PRKDC: variants seen among roughly 807,000 people sequenced by gnomAD.
The protein encoded by PRKDC is DNA-dependent protein kinase catalytic subunit.
A neutral mutation model predicts 486.9 loss-of-function variants in PRKDC; 82 were observed. That is an observed-to-expected ratio of 0.17 (90% CI 0.14 to 0.20). The LOEUF (loss-of-function observed/expected upper bound fraction) is 0.20, where lower values mean the gene tolerates loss of function less well. Ranked by LOEUF, PRKDC falls within the 10% of genes least tolerant of loss-of-function variation. The probability of loss-of-function intolerance (pLI) is 1.00; values close to 1 mark genes in which losing one functional copy is unlikely to be tolerated. For missense variants in PRKDC, 4,504 were observed against 5,038.2 expected, an observed-to-expected ratio of 0.89 and a Z score of 3.21; for synonymous variants, 1,895 against 1,837.0, an observed-to-expected ratio of 1.03 and a Z score of -0.81.
chr8:47,860,864 T>C (rs755249177), intron 45 of PRKDC, 35 bp downstream of exon 45: 6 of 1,525,644 alleles, frequency 3.9e-6, no homozygotes, highest in Non-Finnish European at 4.5e-6. Flanking sequence ...ACCCATCGAT[T>C]TGAATCCTTT....
At chr8:47,803,979 T>A (rs940025307) in intron 69 of PRKDC, among the ~76,000 whole-genome samples, 1 of 151,004 alleles carries the variant, frequency 6.6e-6, no homozygotes, top group Non-Finnish European at 1.5e-5. Flanking sequence ...TGGGTACAAT[T>A]CAGTATTTTT....
chr8:47,880,804 A>G (rs1183589285), intron 38 of PRKDC, among the ~76,000 whole-genome samples: 1 of 152,166 alleles, frequency 6.6e-6, no homozygotes, highest in Non-Finnish European at 1.5e-5. Flanking sequence ...CTGTAACCCC[A>G]GCACTTTGGG....
In PRKDC at chr8:47,904,879, T is replaced by C. The variant is rs370942895; in HGVS notation, c.3032A>G (p.Glu1011Gly). Residue 1011 changes from glutamate (E) to glycine (G), a missense_variant, in exon 26 of 86, where the codon GAA (glutamate) becomes GGA (glycine). Physicochemically the swap from Glu to Gly is moderately conservative, Grantham distance 98 (BLOSUM62 -2). Coordinates refer to ENST00000314191, the MANE Select transcript of PRKDC (RefSeq NM_006904.7). ...FESQDTVALL[E>G]AILDGIVDPV... ...TCAACTATTACTTACCAATATAGCT[T>C]CTAGTAAGGCAACAGTATCCTGACT... The C allele has an allele frequency of 2.0e-5, 32 of 1,597,778 alleles. No homozygotes were observed. The African/African-American group carries it at 3.6e-4, about 18-fold the overall frequency.
At position 47,858,584 on chromosome 8, in the gene PRKDC, G is replaced by A; in HGVS notation, c.6397C>T (p.Leu2133=). The A allele has an allele frequency of 1.3e-6, 2 of 1,560,702 alleles. No individual in the cohort carries two copies. The highest frequency in any genetic ancestry group is 1.7e-6 in the Non-Finnish European group (2 of 1,153,312). Residue 2133 remains leucine, a synonymous_variant, in exon 48 of 86, where the codon CTG becomes TTG. Transcript: ENST00000314191. ...PSWMKFLHGK[L]GNPIVPLNIR... ...TTTAATGGTACTATTGGATTTCCCA[G>A]TTTGCCATGGAGGAATTTCATCCAA... is the stretch of plus-strand genomic sequence containing the variant.
chr8:47,906,565 G>A (rs994992389), intron 25 of PRKDC, among the ~76,000 whole-genome samples: 5 of 150,888 alleles, frequency 3.3e-5, no homozygotes, highest in African/African-American at 1.2e-4. Context: ...ACTGGGAGGT[G>A]GAGGTTGCAG....
intron 15 of PRKDC, 68 bp downstream of exon 15, chr8:47,933,891 AAGTCTT>A: frequency 7.2e-7 from 1 of 1,392,038 alleles, no homozygotes; most frequent in Non-Finnish European, 9.6e-7. Context: ...ATTCTGAAAT[AAGTCTT>A]ATGTCTAAAC....
chr8:47,934,654 A>C (rs1335858693), intron 14 of PRKDC, among the ~76,000 whole-genome samples: 1 of 152,254 alleles, frequency 6.6e-6, no homozygotes, highest in Non-Finnish European at 1.5e-5. Flanking sequence ...ATCATCATTT[A>C]TCTTGCTTTC....
At chr8:47,818,996 C>T (rs1055803360) in intron 67 of PRKDC, among the ~76,000 whole-genome samples, 1 of 152,200 alleles carries the variant, frequency 6.6e-6, no homozygotes, top group African/African-American at 2.4e-5. Context: ...GCACCCAGAG[C>T]CCTCAGCGTG....
chr8:47,956,524 G>GT (rs1305104655), intron 3 of PRKDC, among the ~76,000 whole-genome samples: 1 of 147,550 alleles, frequency 6.8e-6, no homozygotes, highest in Non-Finnish European at 1.5e-5. Context: ...GCGAAACCCT[G>GT]TCTCTACAAA....
At chr8:47,944,089 TACAG>T in intron 7 of PRKDC, 60 bp from the exon 8 acceptor site, 1 of 1,361,496 alleles carries the variant, frequency 7.3e-7, no homozygotes, top group Non-Finnish European at 1.0e-6. Context: ...TAACACACTT[TACAG>T]ACAGCTTGAC....
At chr8:47,913,110 C>T (rs1338133978) in intron 24 of PRKDC, among the ~76,000 whole-genome samples, 3 of 152,130 alleles carry the variant, frequency 2.0e-5, no homozygotes, top group African/African-American at 7.2e-5. Context: ...AATGCTATTG[C>T]ACACTAAATA....
At chr8:47,777,272 G>C (rs1183940790) in intron 84 of PRKDC, among the ~76,000 whole-genome samples, 2 of 151,822 alleles carry the variant, frequency 1.3e-5, no homozygotes, top group African/African-American at 4.8e-5. Flanking sequence ...GCAGTGGCGT[G>C]ATCTCGGCTC....
At chr8:47,901,560 AGAG>A (rs1589778635) in intron 27 of PRKDC, among the ~76,000 whole-genome samples, 5 of 152,220 alleles carry the variant, frequency 3.3e-5, no homozygotes, top group Non-Finnish European at 7.3e-5. Flanking sequence ...AGAGCAGACT[AGAG>A]GAAAGCTACA....
At position 47,955,919 on chromosome 8, in the gene PRKDC, A is replaced by G; in HGVS notation, c.354T>C (p.Asp118=). ...KNTCTSVYTK[D]RAAKCKIPAL... ...CTGGAATTTTACATTTAGCAGCTCT[A>G]TCTTTTGTATAAACACTGGTACAAG... The change falls in exon 4 of 86, where the codon GAT becomes GAC. Residue 118 remains aspartate (D), a synonymous_variant. Transcript: ENST00000314191. 1.9e-6 allele frequency: 3 copies of G among 1,605,604 alleles called. No homozygotes were observed. The highest frequency in any genetic ancestry group is 1.1e-5 in the South Asian group (1 of 90,066).
intron 7 of PRKDC, among the ~76,000 whole-genome samples, 161 bp downstream of exon 7, chr8:47,953,459 C>T (rs1421816698): frequency 1.3e-5 from 2 of 152,198 alleles, no homozygotes. Context: ...GGAAAGATGT[C>T]ATCATCAGGG....
chr8:47,947,275 C>T (rs1426687209), intron 7 of PRKDC, among the ~76,000 whole-genome samples: 4 of 152,166 alleles, frequency 2.6e-5, no homozygotes, highest in Non-Finnish European at 5.9e-5. Flanking sequence ...CAGAAAGTAC[C>T]CGTGGGTCGT....
intron 22 of PRKDC, among the ~76,000 whole-genome samples, chr8:47,917,982 C>G (rs537458346): frequency 1.3e-5 from 2 of 152,072 alleles, no homozygotes; most frequent in Non-Finnish European, 2.9e-5. Context: ...GTAGCTGGGG[C>G]CACAGGCATG....
At chr8:47,888,377 T>A (rs946889902) in intron 34 of PRKDC, 141 bp downstream of exon 34, 2 of 617,276 alleles carry the variant, frequency 3.2e-6, no homozygotes, top group Non-Finnish European at 5.1e-6. Flanking sequence ...ACATAATATC[T>A]ACATGTCTTG....
intron 21 of PRKDC, among the ~76,000 whole-genome samples, chr8:47,923,388 A>G (rs1028103972): frequency 3.3e-5 from 5 of 152,140 alleles, no homozygotes; most frequent in Admixed American, 6.5e-5. Context: ...GACAGCAAAG[A>G]TTCACTGTCT....
Sources: gnomAD v4.1 joint callset for allele counts (sites outside exome capture counted in the v4.1 genomes callset) on GRCh38, gnomAD v4.1.1 for gene constraint, MANE v1.5 for transcripts, NCBI Gene and HGNC (gene_info 2026-07-23, HGNC 2026-07-21) for gene names.